Variants in HVCN1 observed in about 807,000 individuals in gnomAD.
HVCN1 encodes the protein hydrogen voltage gated channel 1.
HVCN1 carries 14 observed loss-of-function variants against 29.2 expected under a neutral mutation model. The ratio of observed to expected loss-of-function variants is 0.48; its 90% CI spans 0.32 to 0.75. The LOEUF (loss-of-function observed/expected upper bound fraction) is 0.75. Ranked by LOEUF, HVCN1 falls within the 30% of genes least tolerant of loss-of-function variation. The pLI is 0.04. For synonymous variants in HVCN1, 131 were observed against 133.2 expected (o/e 0.98, Z 0.11); for missense variants, 263 against 341.8 (o/e 0.77, Z 1.82).
chr12:110,680,349 G>A (rs181141270), intron 3 of HVCN1, among the ~76,000 whole-genome samples: 88 of 152,084 alleles, frequency 5.8e-4, no homozygotes, highest in African/African-American at 1.9e-3. Flanking sequence ...CTGTGCCCTG[G>A]TATGGGCTTC....
chr12:110,700,127 T>C (rs1593557348), intron 2 of HVCN1, among the ~76,000 whole-genome samples: 1 of 152,332 alleles, frequency 6.6e-6, no homozygotes, highest in East Asian at 1.9e-4. Flanking sequence ...CTTAGTCCCA[T>C]GAACAAAGGA....
Position 110,661,012 on chromosome 12 carries a change from G to A in HVCN1, c.306+152C>T, listed in dbSNP as rs1444290966. On this transcript the variant is annotated intron_variant, in intron 4 of 7. Coordinates refer to ENST00000242607, the MANE Select transcript of HVCN1 (RefSeq NM_032369.4). The surrounding 1 kb of genome is among the most constrained non-coding windows in gnomAD (Gnocchi z 6.2). ...GATCTGCCTACCGCATTCCCAGCAC[G>A]GTACAGGGTCCCCGGCACGTGGTAG... The A allele has an allele frequency of 5.4e-6, 4 of 738,004 alleles. No individual in the cohort carries two copies. The East Asian group carries it at 1.0e-4, about 19-fold the overall frequency. 45.7% of individuals were successfully genotyped at this position (738,004 alleles called of 1,614,324 possible). A position where few individuals can be genotyped will look rare whatever the true frequency, so the allele number is the denominator to read the frequency against.
intron 4 of HVCN1, among the ~76,000 whole-genome samples, chr12:110,656,582 C>T (rs1003981134): frequency 6.6e-6 from 1 of 152,062 alleles, no homozygotes; most frequent in African/African-American, 2.4e-5. Context: ...CCGTACCCAC[C>T]CCCCCGCCAG....
chr12:110,648,817 TTTTA>T lies in HVCN1; in HGVS notation c.*589_*592del, dbSNP rs2067609792. On this transcript the variant is annotated 3_prime_UTR_variant, in exon 8 of 8. Transcript: ENST00000242607. ...GAGAGTTTATTTTATACAGTAGTTGTTTTATTTTATACAGTAGTTGTACAGTAAT... is the reference window on the plus strand; with the variant it reads ...GAGAGTTTATTTTATACAGTAGTTGTTTTTATACAGTAGTTGTACAGTAAT... 3.1e-6 allele frequency: 1 copy of T among 327,392 alleles called. No individual in the cohort carries two copies. The highest frequency in any genetic ancestry group is 5.8e-6 in the Non-Finnish European group (1 of 172,648). 20.3% of individuals were successfully genotyped at this position (327,392 alleles called of 1,614,324 possible). A position where few individuals can be genotyped will look rare whatever the true frequency, so the allele number is the denominator to read the frequency against.
At chr12:110,665,726 G>T (rs1018918110) in intron 3 of HVCN1, among the ~76,000 whole-genome samples, 4 of 151,970 alleles carry the variant, frequency 2.6e-5, no homozygotes, top group South Asian at 2.1e-4. Flanking sequence ...GATCCAGCTG[G>T]CTAGGCATGG....
chr12:110,683,009 A>G, intron 3 of HVCN1: 1 of 590,938 alleles, frequency 1.7e-6, no homozygotes, highest in Non-Finnish European at 3.0e-6. Context: ...ATTAACATAC[A>G]GGGCTGGGAT....
rs1312042070 is a variant in HVCN1 at position 110,658,242 on chromosome 12, GC to G, written c.307-2905del. Among the ~76,000 whole-genome samples, 1 of 151,948 alleles carries G rather than the reference GC, an allele frequency of 6.6e-6. No homozygotes were observed. The highest frequency in any genetic ancestry group is 2.4e-5 in the African/African-American group (1 of 41,340). ...AACTATTAATATATCAAGCACCTTG[GC>G]CATCTCAAACCACCCAAGAAAGGGA... On this transcript the variant is annotated intron_variant, in intron 4 of 7. Transcript: ENST00000242607. This position sits in a 1 kb window ranked among gnomAD's most constrained non-coding sequence, Gnocchi z 5.0.
chr12:110,659,202 AT>A (rs11361209), intron 4 of HVCN1, among the ~76,000 whole-genome samples: 26,864 of 150,742 alleles, frequency 0.18, 3,501 homozygotes, highest in African/African-American at 0.37. Context: ...GACCAAAATA[AT>A]TTTTTTTTTC....
intron 4 of HVCN1, among the ~76,000 whole-genome samples, chr12:110,660,560 TTGTG>T (rs1403240855): frequency 6.6e-6 from 1 of 152,236 alleles, no homozygotes; most frequent in Non-Finnish European, 1.5e-5. Flanking sequence ...TTTATTTTTT[TTGTG>T]TGTGGTAAAA....
At chr12:110,663,187 A>C (rs1593464727) in intron 3 of HVCN1, among the ~76,000 whole-genome samples, 1 of 152,306 alleles carries the variant, frequency 6.6e-6, no homozygotes, top group East Asian at 1.9e-4. Flanking sequence ...TGATCTTGTC[A>C]AGTTGAAGTG....
At chr12:110,694,409 G>T (rs879476893), upstream of HVCN1, among the ~76,000 whole-genome samples, 7 of 152,242 alleles carry the variant, frequency 4.6e-5, no homozygotes, top group Non-Finnish European at 7.3e-5. The surrounding 1 kb of genome is among the most constrained non-coding windows in gnomAD (Gnocchi z 4.6). Context: ...GGGGGACTGG[G>T]CCATCCCTGG....
At chr12:110,687,291 C>G (rs935150681) in intron 2 of HVCN1, among the ~76,000 whole-genome samples, 1 of 151,096 alleles carries the variant, frequency 6.6e-6, no homozygotes, top group African/African-American at 2.5e-5. Context: ...GGGAAGCCAG[C>G]CAGCCAGAGT....
At chr12:110,704,782 G>C (rs1272740315) in intron 1 of HVCN1, 1 of 152,290 alleles carries the variant, frequency 6.6e-6, no homozygotes, top group Non-Finnish European at 1.5e-5. Flanking sequence ...TAGGCCCCCA[G>C]GTATCCCCCT....
chr12:110,686,324 G>A (rs2069182591), intron 2 of HVCN1, among the ~76,000 whole-genome samples: 1 of 152,068 alleles, frequency 6.6e-6, no homozygotes, highest in Non-Finnish European at 1.5e-5. Context: ...AAATTATTTT[G>A]AAATAAACTT....
chr12:110,684,300 A>C (rs1019721796), intron 2 of HVCN1, among the ~76,000 whole-genome samples: 3 of 66,502 alleles, frequency 4.5e-5, no homozygotes, highest in Admixed American at 4.3e-4. Context: ...TGTGAAATGT[A>C]CTTAAATGCC....
Position 110,661,105 on chromosome 12 carries a change from C to T in HVCN1, c.306+59G>A, listed in dbSNP as rs1318964393. On this transcript the variant is annotated intron_variant, in intron 4 of 7. Coordinates refer to ENST00000242607, the MANE Select transcript of HVCN1 (RefSeq NM_032369.4). This position sits in a 1 kb window ranked among gnomAD's most constrained non-coding sequence, Gnocchi z 6.2. ...ATGGGCTCAGCCTGGCCGCCTGCCT[C>T]ACATTCCCCGATGGCTCTCCTGCCA... is the stretch of plus-strand genomic sequence containing the variant. The T allele has an allele frequency of 1.3e-6, 2 of 1,512,756 alleles. No individual in the cohort carries two copies. The highest frequency in any genetic ancestry group is 1.8e-6 in the Non-Finnish European group (2 of 1,117,830). 93.7% of individuals were successfully genotyped at this position (1,512,756 alleles called of 1,614,324 possible).
chr12:110,668,921 G>C (rs886703039), intron 3 of HVCN1, among the ~76,000 whole-genome samples: 3 of 151,990 alleles, frequency 2.0e-5, no homozygotes, highest in African/African-American at 7.3e-5. Context: ...ACCCTCCTCA[G>C]CTTCCTGTAC....
At chr12:110,664,514 C>G (rs984302940) in intron 3 of HVCN1, among the ~76,000 whole-genome samples, 4 of 152,160 alleles carry the variant, frequency 2.6e-5, no homozygotes, top group African/African-American at 9.7e-5. Context: ...TTATTACACT[C>G]TAGAGTAACT....
Position 110,649,128 on chromosome 12 carries a change from C to T in HVCN1, c.*282G>A, listed in dbSNP as rs1062830. 1 of 666,512 alleles carries T rather than the reference C, an allele frequency of 1.5e-6. No individual in the cohort carries two copies. The highest frequency in any genetic ancestry group is 2.7e-6 in the Non-Finnish European group (1 of 364,596). The allele number at this position is 666,512 out of a possible 1,614,324, so 41.3% of individuals were successfully genotyped here. The stretch of plus-strand genomic sequence containing the variant: ...GAGATTAAATTTTATATACAACTAG[C>T]AATTGTCCAGCTTTGTTGCTCATTT... On this transcript the variant is annotated 3_prime_UTR_variant, in exon 8 of 8. Transcript: ENST00000242607.
Sources: allele counts gnomAD v4.1 joint callset (sites outside exome capture counted in the v4.1 genomes callset), GRCh38; gene constraint gnomAD v4.1.1; non-coding constraint Gnocchi (gnomAD v3.1); transcripts MANE v1.5; gene names NCBI Gene and HGNC (gene_info 2026-07-23, HGNC 2026-07-21).